The following PCDHGB1 variants were observed in gnomAD, a reference collection of about 807,000 sequenced individuals.
PCDHGB1 encodes protocadherin gamma-B1.
Under a neutral mutation model 56.6 loss-of-function variants are expected in PCDHGB1, and 34 were observed. The ratio of observed to expected loss-of-function variants is 0.60; its 90% CI spans 0.46 to 0.80. The LOEUF (loss-of-function observed/expected upper bound fraction) is 0.80. Ranked by LOEUF, PCDHGB1 falls within the 30% of genes least tolerant of loss-of-function variation. PCDHGB1 has a pLI of 0.00. For missense variants in PCDHGB1, 1,278 were observed against 1,204.6 expected (o/e 1.06, Z -0.90); for synonymous variants, 561 against 505.9 (o/e 1.11, Z -1.46).
Position 141,487,506 on chromosome 5 carries a change from C to T in PCDHGB1, c.2410-7301C>T. 1 of 1,614,220 alleles carries T rather than the reference C, an allele frequency of 6.2e-7. No homozygotes were observed. The highest frequency in any genetic ancestry group is 8.5e-7 in the Non-Finnish European group (1 of 1,180,046). On this transcript the variant is annotated intron_variant, in intron 1 of 3. Coordinates refer to ENST00000523390, the MANE Select transcript of PCDHGB1 (RefSeq NM_018922.3). The surrounding 1 kb of genome is among the most constrained non-coding windows in gnomAD (Gnocchi z 5.0). ...CATGGCTGTACACCCTTGGCTTCTG[C>T]ACCCACTCGGAGTGATAGCTTCATG...
chr5:141,473,017 A>AGAAG (rs1484773075), intron 1 of PCDHGB1, among the ~76,000 whole-genome samples: 3 of 151,764 alleles, frequency 2.0e-5, no homozygotes, highest in African/African-American at 4.8e-5. Flanking sequence ...AGAAAAAGAA[A>AGAAG]GAAGGAAGGA....
intron 2 of PCDHGB1, among the ~76,000 whole-genome samples, chr5:141,502,787 G>T (rs2099816081): frequency 6.6e-6 from 1 of 151,394 alleles, no homozygotes; most frequent in African/African-American, 2.4e-5. Flanking sequence ...TTACCTGGAT[G>T]ATTTCTTCAG....
chr5:141,428,495 T>C (rs1023405537), intron 1 of PCDHGB1: 3 of 295,346 alleles, frequency 1.0e-5, no homozygotes, highest in African/African-American at 6.5e-5. Flanking sequence ...AATCTGTATG[T>C]TCCCTCGGAT....
intron 1 of PCDHGB1, chr5:141,421,393 G>A: frequency 6.2e-7 from 1 of 1,614,038 alleles, no homozygotes; most frequent in Non-Finnish European, 8.5e-7. Flanking sequence ...CCTGGGGCTG[G>A]AGCCCCGGGA....
At chr5:141,502,377 C>A (rs748121694) in intron 2 of PCDHGB1, among the ~76,000 whole-genome samples, 14 of 151,904 alleles carry the variant, frequency 9.2e-5, no homozygotes, top group Non-Finnish European at 1.3e-4. Flanking sequence ...AGAGTCCAGG[C>A]CAGTTGTACT....
intron 1 of PCDHGB1, chr5:141,423,165 C>G: frequency 6.2e-7 from 1 of 1,613,434 alleles, no homozygotes; most frequent in Non-Finnish European, 8.5e-7. Context: ...TCGTGGTGGC[C>G]GTCCAGGACC....
intron 1 of PCDHGB1, chr5:141,426,927 A>G (rs1480193041): frequency 2.2e-6 from 1 of 456,634 alleles, no homozygotes; most frequent in African/African-American, 2.0e-5. Flanking sequence ...AGCAATGGAC[A>G]TGGGTGACCC....
intron 1 of PCDHGB1, among the ~76,000 whole-genome samples, chr5:141,438,454 T>C (rs2097961593): frequency 6.6e-6 from 1 of 151,734 alleles, no homozygotes; most frequent in Admixed American, 6.6e-5. Flanking sequence ...AATACAATGC[T>C]TGAGTTCAAT....
intron 1 of PCDHGB1, chr5:141,374,290 A>G: frequency 6.2e-7 from 1 of 1,613,934 alleles, no homozygotes; most frequent in South Asian, 1.1e-5. Context: ...TCGTCTCCAG[A>G]GGTAGGATGC....
At chr5:141,383,365 G>A (rs763555331) in intron 1 of PCDHGB1, 9 of 1,614,014 alleles carry the variant, frequency 5.6e-6, no homozygotes, top group Admixed American at 3.3e-5. Flanking sequence ...TCCGTTAAGC[G>A]AGGCTGGGGA....
intron 1 of PCDHGB1, among the ~76,000 whole-genome samples, chr5:141,471,706 A>G (rs2099262749): frequency 6.6e-6 from 1 of 152,212 alleles, no homozygotes; most frequent in African/African-American, 2.4e-5. Context: ...CTGGAATAGA[A>G]GTGCCACTTA....
intron 1 of PCDHGB1, chr5:141,423,522 G>A: frequency 6.2e-7 from 1 of 1,613,850 alleles, no homozygotes; most frequent in South Asian, 1.1e-5. Context: ...CGGACTCGCA[G>A]AAGAGTCACC....
intron 1 of PCDHGB1, among the ~76,000 whole-genome samples, chr5:141,452,137 GT>G (rs2098734666): frequency 6.6e-6 from 1 of 152,044 alleles, no homozygotes; most frequent in Non-Finnish European, 1.5e-5. Flanking sequence ...TGGCTCATGT[GT>G]TTTTTCCAAT....
Position 141,476,735 on chromosome 5 carries a change from G to C in PCDHGB1, c.2410-18072G>C, listed in dbSNP as rs1267556668. The C allele has an allele frequency of 6.2e-7, 1 of 1,613,974 alleles. No individual in the cohort carries two copies. Among genetic ancestry groups the C allele is most frequent in the African/African-American group, 1.3e-5 (1 of 74,940 alleles). On this transcript the variant is annotated intron_variant, in intron 1 of 3. Coordinates refer to ENST00000523390, the MANE Select transcript of PCDHGB1 (RefSeq NM_018922.3). This position sits in a 1 kb window ranked among gnomAD's most constrained non-coding sequence, Gnocchi z 7.6. ...GGAGCGCGCCCTGGACCGAGAACGG[G>C]AGCCTAGTCTCCAGTTAGTGCTGAC...
At chr5:141,365,734 T>G (rs145748099) in intron 1 of PCDHGB1, 1 of 1,613,550 alleles carries the variant, frequency 6.2e-7, no homozygotes, top group South Asian at 1.1e-5. Flanking sequence ...ATCCCAGAGG[T>G]GTCTCTATCT....
At chr5:141,383,255 T>C (rs772221697) in intron 1 of PCDHGB1, 32 of 1,613,816 alleles carry the variant, frequency 2.0e-5, no homozygotes, top group African/African-American at 2.7e-5. Flanking sequence ...CTTTACCCTA[T>C]AGACGTGGAA....
chr5:141,410,252 C>A, intron 1 of PCDHGB1: 2 of 1,613,998 alleles, frequency 1.2e-6, no homozygotes. Context: ...ACTCTCTGAC[C>A]CCCAGGCTGA....
chr5:141,485,525 C>A lies in PCDHGB1; in HGVS notation c.2410-9282C>A. On this transcript the variant is annotated intron_variant, in intron 1 of 3. Transcript: ENST00000523390. This position sits in a 1 kb window ranked among gnomAD's most constrained non-coding sequence, Gnocchi z 5.7. ...CACCGAAGGTCCTTTGGAAATGTAC[C>A]GAGCAGAGGTAGAGATCGTAGATGT... The A allele has an allele frequency of 5.6e-6, 9 of 1,614,122 alleles. No individual in the cohort carries two copies. Among genetic ancestry groups the A allele is most frequent in the Non-Finnish European group, 7.6e-6 (9 of 1,180,022 alleles).
At chr5:141,405,355 A>G in intron 1 of PCDHGB1, 2 of 1,613,990 alleles carry the variant, frequency 1.2e-6, no homozygotes, top group South Asian at 1.1e-5. Flanking sequence ...AGTTTCCTAT[A>G]GAAGACACCC....
Sources: allele counts gnomAD v4.1 joint callset (sites outside exome capture counted in the v4.1 genomes callset), GRCh38; gene constraint gnomAD v4.1.1; non-coding constraint Gnocchi (gnomAD v3.1); transcripts MANE v1.5; gene names NCBI Gene and HGNC (gene_info 2026-07-23, HGNC 2026-07-21).